Variants in CYB5A observed in about 807,000 individuals in gnomAD.
CYB5A encodes the protein cytochrome b5.
In CYB5A, 10 loss-of-function variants were observed where a neutral mutation model predicts 16.2. The ratio of observed to expected loss-of-function variants is 0.62; its 90% CI spans 0.38 to 1.04. The LOEUF (loss-of-function observed/expected upper bound fraction) is 1.04. CYB5A is among the 50% of genes least tolerant of loss of function. The pLI is 0.01. For missense variants in CYB5A, 161 were observed against 165.9 expected, an observed-to-expected ratio of 0.97 and a Z score of 0.16; for synonymous variants, 62 against 57.0, an observed-to-expected ratio of 1.09 and a Z score of -0.40.
chr18:74,269,662 A>G (rs1272201607), intron 1 of CYB5A, among the ~76,000 whole-genome samples: 1 of 152,194 alleles, frequency 6.6e-6, no homozygotes, highest in African/African-American at 2.4e-5. Flanking sequence ...TGCTGCAGCC[A>G]AAAGCCTAGG....
chr18:74,282,600 C>A (rs1457441880), intron 1 of CYB5A, among the ~76,000 whole-genome samples: 1 of 152,174 alleles, frequency 6.6e-6, no homozygotes. Context: ...TAACTGCTAG[C>A]AGAGGCACAA....
intron 1 of CYB5A, among the ~76,000 whole-genome samples, chr18:74,276,769 T>G (rs1007712588): frequency 3.9e-5 from 6 of 152,116 alleles, no homozygotes; most frequent in African/African-American, 1.4e-4. Flanking sequence ...CCACTGTATG[T>G]ACTAAGAGGA....
intron 1 of CYB5A, among the ~76,000 whole-genome samples, chr18:74,275,468 C>T (rs1472080966): frequency 1.3e-5 from 2 of 152,074 alleles, no homozygotes; most frequent in South Asian, 4.2e-4. Flanking sequence ...GAGAAGGGAG[C>T]GGGATGCAGT....
chr18:74,281,491 G>A (rs1001033946), intron 1 of CYB5A, among the ~76,000 whole-genome samples: 1 of 152,162 alleles, frequency 6.6e-6, no homozygotes, highest in South Asian at 2.1e-4. Context: ...AGGGAACCAG[G>A]AGAGGATGGC....
At chr18:74,285,824 A>G (rs190507434) in intron 1 of CYB5A, among the ~76,000 whole-genome samples, 1 of 149,064 alleles carries the variant, frequency 6.7e-6, no homozygotes. Context: ...GGCCTGGGCA[A>G]CACAGCAAGA....
intron 1 of CYB5A, among the ~76,000 whole-genome samples, chr18:74,273,178 C>T (rs1303487125): frequency 6.6e-6 from 1 of 152,070 alleles, no homozygotes; most frequent in African/African-American, 2.4e-5. Flanking sequence ...CAAGGAAAGA[C>T]GAGGTCATCT....
At chr18:74,291,702 C>A (rs1275269804) in intron 1 of CYB5A, 45 bp downstream of exon 1, 2 of 1,612,782 alleles carry the variant, frequency 1.2e-6, no homozygotes, top group Middle Eastern at 1.7e-4. Context: ...ACCCCCAAAC[C>A]CGGCCCACGC....
intron 1 of CYB5A, among the ~76,000 whole-genome samples, chr18:74,284,759 C>T (rs1983254715): frequency 6.6e-6 from 1 of 152,192 alleles, no homozygotes; most frequent in Non-Finnish European, 1.5e-5. Context: ...TATCCCTCGC[C>T]CCCTCCAGAG....
At chr18:74,268,865 GTA>G (rs1235770255) in intron 1 of CYB5A, among the ~76,000 whole-genome samples, 3 of 152,172 alleles carry the variant, frequency 2.0e-5, no homozygotes, top group Non-Finnish European at 4.4e-5. Context: ...CACATATCTT[GTA>G]GCTCCTAATG....
intron 1 of CYB5A, among the ~76,000 whole-genome samples, chr18:74,274,262 A>T (rs985624917): frequency 4.6e-5 from 7 of 152,222 alleles, no homozygotes; most frequent in Non-Finnish European, 1.0e-4. Flanking sequence ...AATATACACA[A>T]CGAGCGATGT....
intron 1 of CYB5A, among the ~76,000 whole-genome samples, chr18:74,275,962 G>A (rs1239115424): frequency 6.6e-6 from 1 of 152,118 alleles, no homozygotes; most frequent in East Asian, 1.9e-4. Flanking sequence ...CGCGGCACCG[G>A]GATCTGACCC....
rs1981952825 is a variant in CYB5A at position 74,255,774 on chromosome 18, TC to T, written c.289del (p.Glu97LysfsTer18). ...AGAATCAATAGTAGTGATAAGAGTT[TC>T]CTGAAACACGAGAGGAAAAAGTAAA... Reference protein sequence around the residue: ...DDRPKLNKPPETLITTIDSSS... With the variant: ...DDRPKLNKPPXTLITTIDSSS... On this transcript the variant is annotated frameshift_variant and splice_region_variant, in exon 4 of 5. Coordinates refer to ENST00000340533, the MANE Select transcript of CYB5A (RefSeq NM_148923.4). LOFTEE classifies it high-confidence loss of function. The T allele has an allele frequency of 6.2e-7, 1 of 1,611,042 alleles. No homozygotes were observed. The highest frequency in any genetic ancestry group is 1.3e-5 in the African/African-American group (1 of 74,838).
rs530290775 is a variant in CYB5A, at chr18:74,252,450, G to C, written c.*1134C>G. ...AGCCGCTAAATTTCTTCAAAGATCA[G>C]ATTCCAATGTCCCACAATCTCCTTA... On this transcript the variant is annotated 3_prime_UTR_variant, in exon 5 of 5. Coordinates refer to ENST00000340533, the MANE Select transcript of CYB5A (RefSeq NM_148923.4). 1 of 152,312 alleles carries C rather than the reference G, an allele frequency of 6.6e-6. No individual in the cohort carries two copies. The highest frequency in any genetic ancestry group is 2.1e-4 in the South Asian group (1 of 4,826). 9.4% of individuals were successfully genotyped at this position (152,312 alleles called of 1,614,324 possible).
At chr18:74,266,837 T>TA (rs573568747) in intron 1 of CYB5A, among the ~76,000 whole-genome samples, 26,825 of 73,368 alleles carry the variant, frequency 0.37, 2,565 homozygotes, top group Admixed American at 0.45. Flanking sequence ...TTTAAAAAAC[T>TA]AAAAAAAAAA....
chr18:74,286,356 T>A (rs1558948), intron 1 of CYB5A, among the ~76,000 whole-genome samples: 64,742 of 152,186 alleles, frequency 0.43, 15,964 homozygotes, highest in African/African-American at 0.69. Context: ...TTATATTTCA[T>A]GTGAATATTT....
intron 1 of CYB5A, among the ~76,000 whole-genome samples, chr18:74,267,437 G>A (rs1031950660): frequency 3.3e-5 from 5 of 152,190 alleles, no homozygotes; most frequent in South Asian, 2.1e-4. Flanking sequence ...GATTACAGGC[G>A]TGAGCCACAC....
chr18:74,275,909 A>G (rs3829639), intron 1 of CYB5A, among the ~76,000 whole-genome samples: 42,482 of 152,136 alleles, frequency 0.28, 6,242 homozygotes, highest in South Asian at 0.4. Flanking sequence ...TAGGGTGGCC[A>G]GGGAGGACCC....
chr18:74,273,833 G>A (rs764518132), intron 1 of CYB5A, among the ~76,000 whole-genome samples: 5 of 152,176 alleles, frequency 3.3e-5, no homozygotes, highest in Non-Finnish European at 7.3e-5. Flanking sequence ...ACCTCGCTGA[G>A]AAGACACGTG....
chr18:74,288,294 G>A (rs993413959), intron 1 of CYB5A, among the ~76,000 whole-genome samples: 3 of 152,102 alleles, frequency 2.0e-5, no homozygotes, highest in African/African-American at 7.2e-5. Context: ...ACATGAACAC[G>A]GACATGCACA....
Sources: allele counts gnomAD v4.1 joint callset (sites outside exome capture counted in the v4.1 genomes callset), GRCh38; gene constraint gnomAD v4.1.1; transcripts MANE v1.5; gene names NCBI Gene and HGNC (gene_info 2026-07-23, HGNC 2026-07-21).